CCDC102B: variants seen among roughly 807,000 people sequenced by gnomAD.
CCDC102B encodes coiled-coil domain containing 102B.
A neutral mutation model predicts 57.4 loss-of-function variants in CCDC102B; 75 were observed. That is an observed-to-expected ratio of 1.31 (90% CI 1.08 to 1.58). CCDC102B has a LOEUF of 1.58. Among genes scored for constraint, CCDC102B ranks in the 40% most tolerant of loss-of-function variants. CCDC102B has a pLI of 0.00. For missense variants in CCDC102B, 636 were observed against 582.6 expected (o/e 1.09, Z -0.94); for synonymous variants, 206 against 201.9 (o/e 1.02, Z -0.17).
intron 2 of CCDC102B, among the ~76,000 whole-genome samples, chr18:68,757,848 G>GCA (rs2034107144): frequency 6.6e-6 from 1 of 152,150 alleles, no homozygotes; most frequent in Admixed American, 6.6e-5. Flanking sequence ...CAAAGTCAGT[G>GCA]CATGAGCAAA....
intron 6 of CCDC102B, among the ~76,000 whole-genome samples, chr18:68,942,807 A>C (rs1306905934): frequency 1.3e-5 from 2 of 151,082 alleles, no homozygotes; most frequent in East Asian, 3.9e-4. Context: ...CCTCCTCAGC[A>C]CAGACCCTTT....
Position 69,054,292 on chromosome 18 carries a change from A to T in CCDC102B, c.*155A>T. On this transcript the variant is annotated 3_prime_UTR_variant, in exon 8 of 8. Transcript: ENST00000360242. ...ATTAATGGGCTTCTTCACTTCTTCT[A>T]ATTTTTGCCTAACAGATACTGCATA... 1 of 1,314,970 alleles carries T rather than the reference A, an allele frequency of 7.6e-7. No individual in the cohort carries two copies. The highest frequency in any genetic ancestry group is 9.6e-7 in the Non-Finnish European group (1 of 1,038,002). The allele number at this position is 1,314,970 out of a possible 1,614,324, so 81.5% of individuals were successfully genotyped here. A position where few individuals can be genotyped will look rare whatever the true frequency, so the allele number is the denominator to read the frequency against.
chr18:68,739,471 A>T (rs763964208), intron 2 of CCDC102B, among the ~76,000 whole-genome samples: 4 of 152,172 alleles, frequency 2.6e-5, no homozygotes, highest in Admixed American at 6.5e-5. Flanking sequence ...GGCAGGTGAC[A>T]TGAGAGTCTA....
chr18:69,031,620 G>GT (rs965643911), intron 7 of CCDC102B, among the ~76,000 whole-genome samples: 1 of 151,722 alleles, frequency 6.6e-6, no homozygotes, highest in African/African-American at 2.4e-5. Context: ...TTACTAATTT[G>GT]TTTTTTTCTT....
chr18:68,838,792 T>G lies in CCDC102B; in HGVS notation c.693T>G (p.Gly231=). The change falls in exon 3 of 8, where the codon GGT becomes GGG. Residue 231 remains glycine (G), a synonymous_variant. Transcript: ENST00000360242. ...GTGTTGATTTATTCAACAATGGTGG[T>G]TCTGGAAACGGTGAAACGAAAACTG... is the stretch of plus-strand genomic sequence containing the variant. ...LDGVDLFNNG[G]SGNGETKTGL... 1.2e-6 allele frequency: 2 copies of G among 1,614,050 alleles called. No homozygotes were observed. Among genetic ancestry groups the G allele is most frequent in the Non-Finnish European group, 1.7e-6 (2 of 1,179,978 alleles).
intron 6 of CCDC102B, among the ~76,000 whole-genome samples, chr18:68,935,901 TCTC>T (rs1445981391): frequency 6.6e-6 from 1 of 151,826 alleles, no homozygotes; most frequent in African/African-American, 2.4e-5. Context: ...TGGTTCCCAC[TCTC>T]CTCCTCATGT....
At chr18:68,786,128 C>G (rs992251352) in intron 2 of CCDC102B, among the ~76,000 whole-genome samples, 8 of 148,428 alleles carry the variant, frequency 5.4e-5, no homozygotes, top group Non-Finnish European at 1.0e-4. Context: ...TGTCAAAGAT[C>G]AGATAGTTGT....
chr18:69,019,720 C>A (rs2051773352), intron 7 of CCDC102B, among the ~76,000 whole-genome samples: 1 of 152,028 alleles, frequency 6.6e-6, no homozygotes, highest in Non-Finnish European at 1.5e-5. Context: ...TCATTTCTTT[C>A]TTTTGCCTCA....
intron 6 of CCDC102B, among the ~76,000 whole-genome samples, chr18:68,958,358 A>G (rs1403207646): frequency 6.6e-6 from 1 of 152,166 alleles, no homozygotes; most frequent in Non-Finnish European, 1.5e-5. Flanking sequence ...CATTCTGTTG[A>G]TATGACATAG....
Position 69,003,220 on chromosome 18 carries a change from A to G in CCDC102B, c.1264-7714A>G, listed in dbSNP as rs566955013. ...TATTATGGTCTCATAATTTAAGAGA[A>G]TAAATTAGGATTTTTTCAAATAAAA... is the stretch of plus-strand genomic sequence containing the variant. On this transcript the variant is annotated intron_variant, in intron 6 of 7. Transcript: ENST00000360242. Among the ~76,000 whole-genome samples, 3 of 152,354 alleles carry G rather than the reference A, an allele frequency of 2.0e-5. No individual in the cohort carries two copies. The South Asian group carries it at 6.2e-4, about 32-fold the overall frequency.
intron 2 of CCDC102B, among the ~76,000 whole-genome samples, chr18:68,775,803 G>A (rs370186685): frequency 7.3e-5 from 11 of 151,708 alleles, no homozygotes; most frequent in Non-Finnish European, 1.3e-4. Flanking sequence ...ACAGGCGCCC[G>A]CCACCACGCC....
rs560977737 is a variant in CCDC102B at position 68,945,659 on chromosome 18, A to G, written c.1263+48231A>G. ...CAATGTAAACTTCAAGGCATTCCACATAAATGTTGTGGAAGAATCTCTTGT... is the reference window on the plus strand; with the variant it reads ...CAATGTAAACTTCAAGGCATTCCACGTAAATGTTGTGGAAGAATCTCTTGT... On this transcript the variant is annotated intron_variant, in intron 6 of 7. Transcript: ENST00000360242. Among the ~76,000 whole-genome samples, 23 of 152,244 alleles carry G rather than the reference A, an allele frequency of 1.5e-4. No individual in the cohort carries two copies. The South Asian group carries it at 3.7e-3, about 25-fold the overall frequency.
At chr18:68,920,100 G>A (rs1218280937) in intron 6 of CCDC102B, among the ~76,000 whole-genome samples, 1 of 151,962 alleles carries the variant, frequency 6.6e-6, no homozygotes, top group East Asian at 1.9e-4. Flanking sequence ...TATTTTTCCT[G>A]ATCCTCTCCC....
At chr18:68,769,464 T>G (rs555390730) in intron 2 of CCDC102B, among the ~76,000 whole-genome samples, 2 of 152,104 alleles carry the variant, frequency 1.3e-5, no homozygotes, top group East Asian at 3.9e-4. Context: ...GGGTACACAA[T>G]TAGGTCCATA....
intron 2 of CCDC102B, among the ~76,000 whole-genome samples, chr18:68,718,994 A>G (rs921626286): frequency 1.4e-4 from 21 of 152,218 alleles, no homozygotes; most frequent in Admixed American, 2.6e-4. Flanking sequence ...TACTAGAACC[A>G]GAAGAAGAGC....
At chr18:68,978,279 T>C (rs940595753) in intron 6 of CCDC102B, among the ~76,000 whole-genome samples, 3 of 152,010 alleles carry the variant, frequency 2.0e-5, no homozygotes, top group African/African-American at 7.2e-5. Context: ...ATCCCCTCTT[T>C]ATATTGTCTA....
chr18:68,718,396 A>G (rs945132253), intron 2 of CCDC102B, among the ~76,000 whole-genome samples: 1 of 152,212 alleles, frequency 6.6e-6, no homozygotes, highest in South Asian at 2.1e-4. Flanking sequence ...CAAATGTTGA[A>G]CAGAAGAAGC....
At chr18:68,985,679 T>G (rs2050704943) in intron 6 of CCDC102B, among the ~76,000 whole-genome samples, 1 of 152,148 alleles carries the variant, frequency 6.6e-6, no homozygotes, top group African/African-American at 2.4e-5. Flanking sequence ...TGAGCCACAG[T>G]GGGCAGGCAA....
chr18:68,834,645 C>G (rs2037289441), intron 1 of CCDC102B, among the ~76,000 whole-genome samples: 1 of 151,382 alleles, frequency 6.6e-6, no homozygotes, highest in Non-Finnish European at 1.5e-5. Flanking sequence ...AACCATGAGT[C>G]TATATTATTA....
Sources: allele counts gnomAD v4.1 joint callset (sites outside exome capture counted in the v4.1 genomes callset), GRCh38; gene constraint gnomAD v4.1.1; transcripts MANE v1.5; gene names NCBI Gene and HGNC (gene_info 2026-07-23, HGNC 2026-07-21).